Variants in CPNE4 observed in about 807,000 individuals in gnomAD.
The protein encoded by CPNE4 is copine 4, also known as copine-4.
CPNE4 carries 25 observed loss-of-function variants against 67.9 expected under a neutral mutation model. That is an observed-to-expected ratio of 0.37 (90% CI 0.27 to 0.51). The LOEUF (loss-of-function observed/expected upper bound fraction) is 0.51. Ranked by LOEUF, CPNE4 falls within the 20% of genes least tolerant of loss-of-function variation. CPNE4 has a pLI of 0.93. For synonymous variants in CPNE4, 242 were observed against 244.9 expected, an observed-to-expected ratio of 0.99 and a Z score of 0.11; for missense variants, 464 against 690.8, an observed-to-expected ratio of 0.67 and a Z score of 3.68.
chr3:131,911,817 A>T (rs923460396), intron 1 of CPNE4, among the ~76,000 whole-genome samples: 1 of 152,130 alleles, frequency 6.6e-6, no homozygotes, highest in Admixed American at 6.6e-5. Flanking sequence ...GAGCCCTGAC[A>T]AAATATACTG....
intron 1 of CPNE4, among the ~76,000 whole-genome samples, chr3:131,975,796 G>A (rs1483525361): frequency 1.3e-5 from 2 of 152,118 alleles, no homozygotes; most frequent in East Asian, 1.9e-4. Flanking sequence ...GCATAGATAT[G>A]TATGCCTAGT....
intron 2 of CPNE4, among the ~76,000 whole-genome samples, chr3:131,781,749 C>T (rs530085253): frequency 6.6e-5 from 10 of 152,218 alleles, no homozygotes; most frequent in African/African-American, 2.4e-4. Context: ...CTAATTTAAG[C>T]CAGAAAGCTT....
intron 9 of CPNE4, among the ~76,000 whole-genome samples, chr3:131,576,862 C>T (rs1937561722): frequency 6.6e-6 from 1 of 151,820 alleles, no homozygotes; most frequent in Non-Finnish European, 1.5e-5. Flanking sequence ...TGAGACCTGA[C>T]CCTAGGGGCA....
At chr3:131,678,289 T>A (rs2080639912) in intron 6 of CPNE4, among the ~76,000 whole-genome samples, 1 of 97,522 alleles carries the variant, frequency 1.0e-5, no homozygotes, top group Non-Finnish European at 2.2e-5. Context: ...GATTTTGTAT[T>A]CTGAGACCTT....
chr3:131,632,099 T>C (rs1221948569), intron 7 of CPNE4, among the ~76,000 whole-genome samples: 1 of 150,718 alleles, frequency 6.6e-6, no homozygotes, highest in Admixed American at 6.6e-5. Flanking sequence ...AGCCTCCGCC[T>C]CCTGGGCGCA....
At chr3:131,682,259 G>C (rs1190093518) in intron 6 of CPNE4, among the ~76,000 whole-genome samples, 3 of 152,096 alleles carry the variant, frequency 2.0e-5, no homozygotes, top group African/African-American at 7.2e-5. Context: ...GCCTGGGCTT[G>C]TTTGTACCAT....
intron 1 of CPNE4, among the ~76,000 whole-genome samples, chr3:131,956,043 AATCC>A (rs1367998807): frequency 6.6e-6 from 1 of 152,162 alleles, no homozygotes; most frequent in Non-Finnish European, 1.5e-5. Context: ...TTGATACACA[AATCC>A]ATCTTTCACT....
intron 7 of CPNE4, among the ~76,000 whole-genome samples, chr3:131,626,991 G>A (rs953698452): frequency 7.9e-5 from 12 of 151,950 alleles, no homozygotes; most frequent in Admixed American, 1.3e-4. Flanking sequence ...TCAGGAGTTC[G>A]AGACCAGCCT....
At chr3:131,982,780 T>C (rs2072939735) in intron 1 of CPNE4, among the ~76,000 whole-genome samples, 1 of 152,108 alleles carries the variant, frequency 6.6e-6, no homozygotes, top group Non-Finnish European at 1.5e-5. Flanking sequence ...TATAATAAAT[T>C]ACATATATAT....
At chr3:131,660,070 C>T (rs9820346) in intron 7 of CPNE4, among the ~76,000 whole-genome samples, 46,621 of 151,988 alleles carry the variant, frequency 0.31, 7,365 homozygotes, top group Middle Eastern at 0.34. Flanking sequence ...CGATTACCAC[C>T]ATCTTTGTCC....
At chr3:131,571,777 C>T (rs543487825) in intron 10 of CPNE4, among the ~76,000 whole-genome samples, 6 of 152,038 alleles carry the variant, frequency 3.9e-5, no homozygotes, top group African/African-American at 7.2e-5. Context: ...TCAAGGCCCT[C>T]GTCAATATCC....
chr3:131,979,499 A>G (rs551699364), intron 1 of CPNE4, among the ~76,000 whole-genome samples: 10 of 150,822 alleles, frequency 6.6e-5, no homozygotes, highest in Admixed American at 5.3e-4. Context: ...TAAAATAGCT[A>G]CTCCTGCTCG....
intron 2 of CPNE4, among the ~76,000 whole-genome samples, chr3:131,744,570 T>G (rs948912132): frequency 6.6e-6 from 1 of 152,236 alleles, no homozygotes; most frequent in African/African-American, 2.4e-5. Context: ...CCTTCTATAG[T>G]GACAACCACT....
intron 2 of CPNE4, among the ~76,000 whole-genome samples, chr3:131,725,781 T>C (rs962039340): frequency 2.0e-5 from 3 of 152,232 alleles, no homozygotes; most frequent in African/African-American, 7.2e-5. Context: ...TTTATTACCC[T>C]TCCTTTAGAA....
At chr3:131,919,063 CAG>C (rs1266739755) in intron 1 of CPNE4, among the ~76,000 whole-genome samples, 1 of 152,098 alleles carries the variant, frequency 6.6e-6, no homozygotes, top group Admixed American at 6.6e-5. Flanking sequence ...GTGGTTAAGT[CAG>C]AGTTCCAGCT....
At chr3:131,610,472 T>C (rs1939771506) in intron 7 of CPNE4, among the ~76,000 whole-genome samples, 1 of 152,212 alleles carries the variant, frequency 6.6e-6, no homozygotes, top group East Asian at 1.9e-4. Context: ...CTGAGACTGC[T>C]AGATTGTTCT....
chr3:131,698,980 G>A (rs192774751), intron 4 of CPNE4, among the ~76,000 whole-genome samples: 4 of 151,132 alleles, frequency 2.6e-5, no homozygotes, highest in Admixed American at 6.6e-5. Context: ...AACTCAAGAG[G>A]TTCGTTTTCT....
chr3:131,848,981 A>AAAAAAAAAAAAAC (rs1297906130), intron 2 of CPNE4, among the ~76,000 whole-genome samples: 1 of 141,668 alleles, frequency 7.1e-6, no homozygotes, highest in African/African-American at 2.5e-5. Context: ...AAAAAAAAAA[A>AAAAAAAAAAAAAC]ACACAGAGAT....
intron 1 of CPNE4, among the ~76,000 whole-genome samples, chr3:131,953,308 T>C (rs1583506315): frequency 6.6e-6 from 1 of 150,948 alleles, no homozygotes; most frequent in African/African-American, 2.4e-5. Context: ...CCAGTTCTTA[T>C]AGGAAAGGCT....
Sources: gnomAD v4.1 joint callset for allele counts (sites outside exome capture counted in the v4.1 genomes callset) on GRCh38, gnomAD v4.1.1 for gene constraint, MANE v1.5 for transcripts, NCBI Gene and HGNC (gene_info 2026-07-23, HGNC 2026-07-21) for gene names.